The following BEND5 variants were observed in gnomAD, a reference collection of about 807,000 sequenced individuals.
The protein encoded by BEND5 is BEN domain-containing protein 5.
A neutral mutation model predicts 43.9 loss-of-function variants in BEND5; 22 were observed. That is an observed-to-expected ratio of 0.50 (90% confidence interval 0.36 to 0.72). The LOEUF (loss-of-function observed/expected upper bound fraction) is 0.72, where lower values mean the gene tolerates loss of function less well. BEND5 is among the 30% of genes least tolerant of loss of function. BEND5 has a pLI of 0.00. For synonymous variants in BEND5, 228 were observed against 225.9 expected (o/e 1.01, Z -0.08); for missense variants, 428 against 550.6 (o/e 0.78, Z 2.23).
At chr1:48,774,597 T>A (rs943223305) in intron 1 of BEND5, among the ~76,000 whole-genome samples, 1 of 152,152 alleles carries the variant, frequency 6.6e-6, no homozygotes, top group African/African-American at 2.4e-5. Context: ...GATGCTTGGG[T>A]TTTTTAAATA....
At chr1:48,737,238 C>T (rs972534851) in intron 4 of BEND5, among the ~76,000 whole-genome samples, 2 of 152,092 alleles carry the variant, frequency 1.3e-5, no homozygotes, top group South Asian at 2.1e-4. Flanking sequence ...GAGCCGAGAT[C>T]GTGCCACTGC....
At chr1:48,775,509 A>G (rs1293117050) in intron 1 of BEND5, among the ~76,000 whole-genome samples, 1 of 152,192 alleles carries the variant, frequency 6.6e-6, no homozygotes, top group Non-Finnish European at 1.5e-5. Context: ...TTCTGGTAGA[A>G]GGCAGGAACA....
chr1:48,776,551 C>T, intron 1 of BEND5, 55 bp downstream of exon 1: 1 of 1,295,652 alleles, frequency 7.7e-7, no homozygotes, highest in South Asian at 1.7e-5. Flanking sequence ...CCGGCCCCTC[C>T]CGGGGTCCCA....
intron 4 of BEND5, 29 bp downstream of exon 4, chr1:48,742,594 G>A (rs1277330599): frequency 4.0e-6 from 6 of 1,496,110 alleles, no homozygotes; most frequent in Non-Finnish European, 4.5e-6. Context: ...AACACTTGCA[G>A]GGAATGGATA....
intron 1 of BEND5, among the ~76,000 whole-genome samples, chr1:48,767,283 T>C (rs761256752): frequency 6.6e-6 from 1 of 152,200 alleles, no homozygotes; most frequent in Non-Finnish European, 1.5e-5. Flanking sequence ...TCCAAAGAGA[T>C]AGTGCATGTA....
At chr1:48,737,543 T>C (rs1649264313) in intron 4 of BEND5, among the ~76,000 whole-genome samples, 1 of 152,186 alleles carries the variant, frequency 6.6e-6, no homozygotes, top group Non-Finnish European at 1.5e-5. Flanking sequence ...AAGTTCCTTC[T>C]GGCTCAAAAC....
At chr1:48,765,288 C>T (rs968398823) in intron 1 of BEND5, among the ~76,000 whole-genome samples, 1 of 152,122 alleles carries the variant, frequency 6.6e-6, no homozygotes, top group African/African-American at 2.4e-5. Flanking sequence ...ATAATAAAAA[C>T]AGGCTACACC....
rs114371014 is a variant in BEND5, at chr1:48,763,052, C to G, written c.227-1582G>C. On this transcript the variant is annotated intron_variant, in intron 1 of 5. Transcript: ENST00000371833. Reference sequence around the variant, plus strand: ...ATATAATTGGTATTATCAATGTGTTCTGAATCATTTTCTTCTCTTAAGCAT... The same window carrying G: ...ATATAATTGGTATTATCAATGTGTTGTGAATCATTTTCTTCTCTTAAGCAT... 2.5e-3 allele frequency among the ~76,000 whole-genome samples: 382 copies of G among 152,144 alleles called. 3 individuals are homozygous for G. Among genetic ancestry groups the G allele is most frequent in the African/African-American group, 9.0e-3 (373 of 41,476 alleles).
intron 5 of BEND5, among the ~76,000 whole-genome samples, chr1:48,734,212 A>G (rs1309714596): frequency 2.0e-5 from 3 of 152,194 alleles, no homozygotes; most frequent in African/African-American, 7.2e-5. Context: ...CAGGCAAGGG[A>G]GGCAGCTATG....
intron 3 of BEND5, among the ~76,000 whole-genome samples, chr1:48,749,073 A>G (rs927538706): frequency 6.6e-4 from 100 of 152,150 alleles, no homozygotes; most frequent in African/African-American, 2.3e-3. Context: ...AGGAAGAAAG[A>G]GGTGAAAAAA....
intron 1 of BEND5, 49 bp from the exon 2 acceptor site, chr1:48,761,519 C>A: frequency 6.6e-7 from 1 of 1,524,922 alleles, no homozygotes; most frequent in South Asian, 1.2e-5. Flanking sequence ...TAAAATGAGT[C>A]ATTATGAGTT....
At chr1:48,731,448 AG>A (rs1648114871) in intron 5 of BEND5, among the ~76,000 whole-genome samples, 1 of 152,168 alleles carries the variant, frequency 6.6e-6, no homozygotes, top group South Asian at 2.1e-4. Flanking sequence ...GGGTTAGACA[AG>A]TCTCCTAGGA....
chr1:48,757,657 A>G (rs546100939), intron 3 of BEND5, among the ~76,000 whole-genome samples: 1 of 152,330 alleles, frequency 6.6e-6, no homozygotes, highest in Admixed American at 6.5e-5. Context: ...CTGAGCCACT[A>G]CCTTGGGGAT....
At chr1:48,733,122 C>A (rs1193140376) in intron 5 of BEND5, among the ~76,000 whole-genome samples, 2 of 152,108 alleles carry the variant, frequency 1.3e-5, no homozygotes, top group Admixed American at 1.3e-4. Flanking sequence ...TTTCCAGGAG[C>A]CTGCATGTGA....
At chr1:48,749,351 C>T (rs574461036) in intron 3 of BEND5, among the ~76,000 whole-genome samples, 5 of 152,272 alleles carry the variant, frequency 3.3e-5, no homozygotes, top group African/African-American at 7.2e-5. Flanking sequence ...CAGCACCCAG[C>T]GCAATGTCCT....
chr1:48,731,441 T>C (rs887692013), intron 5 of BEND5, among the ~76,000 whole-genome samples: 1 of 152,114 alleles, frequency 6.6e-6, no homozygotes, highest in Non-Finnish European at 1.5e-5. Context: ...GCAATAAGGG[T>C]TAGACAAGTC....
chr1:48,746,230 G>GT (rs1008689642), intron 3 of BEND5, among the ~76,000 whole-genome samples: 6 of 152,108 alleles, frequency 3.9e-5, no homozygotes, highest in South Asian at 2.1e-4. Flanking sequence ...TACAGAGTGG[G>GT]TTTTTTTGGT....
intron 4 of BEND5, among the ~76,000 whole-genome samples, chr1:48,740,060 G>C (rs1216337919): frequency 6.6e-6 from 1 of 152,214 alleles, no homozygotes; most frequent in African/African-American, 2.4e-5. Context: ...CATATTTAAT[G>C]TCTTTATGGA....
chr1:48,746,303 G>T (rs12037643), intron 3 of BEND5, among the ~76,000 whole-genome samples: 1 of 151,998 alleles, frequency 6.6e-6, no homozygotes, highest in Admixed American at 6.5e-5. Flanking sequence ...GCTTAAGTTC[G>T]TCTCTACTAA....
Sources: gnomAD v4.1 joint callset for allele counts (sites outside exome capture counted in the v4.1 genomes callset) on GRCh38, gnomAD v4.1.1 for gene constraint, MANE v1.5 for transcripts, NCBI Gene and HGNC (gene_info 2026-07-23, HGNC 2026-07-21) for gene names.